The following RGS13 variants were observed in gnomAD, a reference collection of about 807,000 sequenced individuals.
RGS13 encodes the protein regulator of G-protein signalling 13.
In RGS13, 14 loss-of-function variants were observed where a neutral mutation model predicts 19.9. The observed-to-expected ratio is 0.70, with a 90% CI of 0.46 to 1.10. RGS13 has a LOEUF of 1.10. RGS13 is among the 50% of genes least tolerant of loss of function. The pLI is 0.00. For missense variants in RGS13, 205 were observed against 187.1 expected (o/e 1.10, Z -0.56); for synonymous variants, 60 against 56.8 (o/e 1.06, Z -0.25).
chr1:192,659,681 C>A lies in RGS13; in HGVS notation c.*158C>A. 1.7e-6 allele frequency: 1 copy of A among 594,708 alleles called. No homozygotes were observed. Among genetic ancestry groups the A allele is most frequent in the Non-Finnish European group, 2.9e-6 (1 of 339,960 alleles). 36.8% of individuals were successfully genotyped at this position (594,708 alleles called of 1,614,324 possible). On this transcript the variant is annotated 3_prime_UTR_variant, in exon 7 of 7. Coordinates refer to ENST00000391995, the MANE Select transcript of RGS13 (RefSeq NM_002927.5). ...CCTAAAAAGAAACATATTTCAAAAG[C>A]AATGGAATCTAGAATTCTTATAACA...
intron 5 of RGS13, among the ~76,000 whole-genome samples, chr1:192,657,674 C>T (rs1193637340): frequency 1.3e-5 from 2 of 152,102 alleles, no homozygotes; most frequent in African/African-American, 4.8e-5. Context: ...AATTCTTCAT[C>T]TATCTGTGTT....
chr1:192,648,391 G>C (rs1164783956), intron 5 of RGS13, among the ~76,000 whole-genome samples: 2 of 152,140 alleles, frequency 1.3e-5, no homozygotes, highest in Non-Finnish European at 2.9e-5. Context: ...AACTTTTTCA[G>C]TGTCTGATTT....
intron 5 of RGS13, among the ~76,000 whole-genome samples, chr1:192,652,606 T>G (rs3923779): frequency 0.34 from 52,202 of 151,870 alleles, 8,989 homozygotes; most frequent in Admixed American, 0.38. Flanking sequence ...TAGTACATTT[T>G]TTTTTTGGTA....
chr1:192,648,875 T>C (rs1663266331), intron 5 of RGS13, among the ~76,000 whole-genome samples: 1 of 152,118 alleles, frequency 6.6e-6, no homozygotes, highest in Non-Finnish European at 1.5e-5. Flanking sequence ...AGGTACCCCC[T>C]GTTCCTCATG....
At chr1:192,645,057 C>G (rs1413156925) in intron 4 of RGS13, 1 of 152,168 alleles carries the variant, frequency 6.6e-6, no homozygotes, top group Non-Finnish European at 1.5e-5. Flanking sequence ...ACTAAAATAC[C>G]AAAATGTCCA....
intron 1 of RGS13, among the ~76,000 whole-genome samples, 168 bp from the exon 2 acceptor site, chr1:192,637,422 T>C (rs146754763): frequency 3.3e-5 from 5 of 151,932 alleles, no homozygotes; most frequent in Middle Eastern, 3.4e-3. Flanking sequence ...AGATAAAGAG[T>C]TAATAAATAA....
At chr1:192,659,168 G>T (rs1571589238) in intron 6 of RGS13, 170 bp from the exon 7 acceptor site, 2 of 463,522 alleles carry the variant, frequency 4.3e-6, no homozygotes, top group East Asian at 6.9e-5. Flanking sequence ...ACTTTTAAAA[G>T]AGCAAAATGT....
At chr1:192,647,701 T>C (rs530599945) in intron 4 of RGS13, 43 of 211,072 alleles carry the variant, frequency 2.0e-4, no homozygotes, top group Admixed American at 1.6e-3. Context: ...TATTAAATTA[T>C]ATTTTCAAGT....
chr1:192,658,041 G>A (rs1035033012), intron 5 of RGS13, among the ~76,000 whole-genome samples, 160 bp from the exon 6 acceptor site: 1 of 152,114 alleles, frequency 6.6e-6, no homozygotes, highest in Non-Finnish European at 1.5e-5. Context: ...CGCTCTAAGT[G>A]TGTGATAGAC....
intron 3 of RGS13, among the ~76,000 whole-genome samples, chr1:192,643,046 A>G (rs1663153699): frequency 6.6e-6 from 1 of 151,918 alleles, no homozygotes; most frequent in Non-Finnish European, 1.5e-5. Flanking sequence ...TTTTTTGTAG[A>G]GACAGAATCT....
chr1:192,645,348 A>G (rs556575386), intron 4 of RGS13: 1 of 152,298 alleles, frequency 6.6e-6, no homozygotes, highest in East Asian at 1.9e-4. Flanking sequence ...AATCACATTC[A>G]TGGAAAGCTG....
rs761974239 is a variant in RGS13, at chr1:192,659,401, T to A, written c.358T>A (p.Cys120Ser). Residue 120 changes from cysteine (C) to serine (S), a missense_variant, in exon 7 of 7, where the codon TGT (cysteine) becomes AGT (serine). Coordinates refer to ENST00000391995, the MANE Select transcript of RGS13 (RefSeq NM_002927.5). ...GAACATTCAGGAACCCACTGAAACA[T>A]GTTTTGAAGAAGCTCAGAAAATAGT... Reference protein sequence around the residue: ...IRNIQEPTETCFEEAQKIVYM... With the variant: ...IRNIQEPTETSFEEAQKIVYM... 7 of 1,612,932 alleles carry A rather than the reference T, an allele frequency of 4.3e-6. No homozygotes were observed. Among genetic ancestry groups the A allele is most frequent in the Non-Finnish European group, 5.9e-6 (7 of 1,179,356 alleles).
intron 6 of RGS13, chr1:192,658,787 G>A: frequency 5.9e-6 from 1 of 169,528 alleles, no homozygotes; most frequent in Non-Finnish European, 1.3e-5. Flanking sequence ...ACAGAGGACA[G>A]TATATGAGAT....
chr1:192,644,496 T>G, intron 4 of RGS13, 97 bp downstream of exon 4: 1 of 955,220 alleles, frequency 1.0e-6, no homozygotes, highest in South Asian at 1.5e-5. Flanking sequence ...ACATATTTTG[T>G]TCAGAAAGTA....
chr1:192,644,081 T>C (rs1663172916), intron 3 of RGS13, among the ~76,000 whole-genome samples: 1 of 152,220 alleles, frequency 6.6e-6, no homozygotes, highest in African/African-American at 2.4e-5. Context: ...CCTCATTGTT[T>C]AATAAATAGG....
intron 4 of RGS13, chr1:192,647,084 C>T (rs1326106357): frequency 6.6e-6 from 1 of 152,140 alleles, no homozygotes; most frequent in African/African-American, 2.4e-5. Context: ...TGAGAAAATA[C>T]TAGCTTTAGG....
intron 5 of RGS13, among the ~76,000 whole-genome samples, chr1:192,652,140 A>G (rs933373161): frequency 2.0e-5 from 3 of 152,060 alleles, no homozygotes; most frequent in African/African-American, 4.8e-5. Context: ...CTAAATTACC[A>G]CAATCCCATG....
intron 5 of RGS13, among the ~76,000 whole-genome samples, chr1:192,650,039 C>T (rs1663307297): frequency 6.6e-6 from 1 of 151,942 alleles, no homozygotes; most frequent in African/African-American, 2.4e-5. Context: ...CATGAATAAA[C>T]ACAAGAAAAA....
chr1:192,658,163 G>C, intron 5 of RGS13, 38 bp from the exon 6 acceptor site: 1 of 1,508,768 alleles, frequency 6.6e-7, no homozygotes, highest in Non-Finnish European at 9.0e-7. Context: ...TGGTGATTTT[G>C]ACCCATGAAA....
Sources: gnomAD v4.1 joint callset for allele counts (sites outside exome capture counted in the v4.1 genomes callset) on GRCh38, gnomAD v4.1.1 for gene constraint, MANE v1.5 for transcripts, NCBI Gene and HGNC (gene_info 2026-07-23, HGNC 2026-07-21) for gene names.